Variants in NLRP9 observed in about 807,000 individuals in gnomAD.
The protein encoded by NLRP9 is NLR family pyrin domain containing 9.
A neutral mutation model predicts 83.1 loss-of-function variants in NLRP9; 88 were observed. The ratio of observed to expected loss-of-function variants is 1.06; its 90% CI spans 0.89 to 1.26. The LOEUF (loss-of-function observed/expected upper bound fraction) is 1.26, where lower values mean the gene tolerates loss of function less well. Among genes scored for constraint, NLRP9 ranks in the 50% most tolerant of loss-of-function variants. The pLI is 0.00. For synonymous variants in NLRP9, 521 were observed against 447.6 expected (o/e 1.16, Z -2.07); for missense variants, 1,308 against 1,179.3 (o/e 1.11, Z -1.60).
intron 6 of NLRP9, among the ~76,000 whole-genome samples, chr19:55,714,295 CCT>C (rs1987922676): frequency 6.6e-6 from 1 of 152,064 alleles, no homozygotes; most frequent in Admixed American, 6.6e-5. Context: ...CTCTAGCTAT[CCT>C]CTCATTACCT....
intron 5 of NLRP9, 126 bp from the exon 6 acceptor site, chr19:55,715,351 C>CAA: frequency 2.5e-6 from 2 of 800,602 alleles, no homozygotes; most frequent in Admixed American, 5.9e-5. Flanking sequence ...TTGTCCCAGG[C>CAA]AAAACCTTTC....
rs148657954 is a variant in NLRP9 at position 55,733,099 on chromosome 19, G to A, written c.732C>T (p.Ser244=). 42 of 1,613,954 alleles carry A rather than the reference G, an allele frequency of 2.6e-5. No individual in the cohort carries two copies. The East Asian group carries it at 7.1e-4, about 27-fold the overall frequency. ...KFNLQLKADL[S]DDWRQRQPMP... The stretch of plus-strand genomic sequence containing the variant: ...TTGGCTGCCGCTGCCTCCAATCATC[G>A]CTCAAGTCAGCCTTAAGTTGTAAGT... Residue 244 remains serine, a synonymous_variant, in exon 2 of 9, where the codon AGC becomes AGT. Transcript: ENST00000332836.
At chr19:55,710,221 T>G (rs978143917) in intron 8 of NLRP9, among the ~76,000 whole-genome samples, 2 of 152,064 alleles carry the variant, frequency 1.3e-5, no homozygotes, top group African/African-American at 4.8e-5. Context: ...GAGACATTAT[T>G]ATTATTATTT....
At chr19:55,735,951 G>C (rs1988774598) in intron 1 of NLRP9, among the ~76,000 whole-genome samples, 1 of 151,794 alleles carries the variant, frequency 6.6e-6, no homozygotes, top group Non-Finnish European at 1.5e-5. Flanking sequence ...GCCTCCCAAA[G>C]TGCTGGGATT....
At chr19:55,719,933 CTGATT>C (rs1395784963) in intron 4 of NLRP9, among the ~76,000 whole-genome samples, 1 of 152,092 alleles carries the variant, frequency 6.6e-6, no homozygotes, top group Non-Finnish European at 1.5e-5. Flanking sequence ...ACGAAATATA[CTGATT>C]TATTTAGAAA....
chr19:55,721,745 C>T (rs1988231620), intron 4 of NLRP9, among the ~76,000 whole-genome samples: 1 of 152,140 alleles, frequency 6.6e-6, no homozygotes, highest in African/African-American at 2.4e-5. Context: ...ATAATTAAAT[C>T]ACAGGGGCGG....
At chr19:55,716,615 CG>C in intron 5 of NLRP9, 112 bp downstream of exon 5, 1 of 849,086 alleles carries the variant, frequency 1.2e-6, no homozygotes, top group Non-Finnish European at 1.9e-6. Flanking sequence ...GGTCTAGCTA[CG>C]GATTCCGCAT....
At chr19:55,717,088 C>T (rs1988053127) in intron 4 of NLRP9, among the ~76,000 whole-genome samples, 190 bp from the exon 5 acceptor site, 1 of 145,522 alleles carries the variant, frequency 6.9e-6, no homozygotes, top group African/African-American at 2.6e-5. Context: ...GGCAGGAGTG[C>T]AGTGGTGCGA....
intron 3 of NLRP9, among the ~76,000 whole-genome samples, chr19:55,728,839 T>G (rs1380691630): frequency 1.3e-5 from 2 of 152,090 alleles, no homozygotes; most frequent in Non-Finnish European, 2.9e-5. Context: ...AGCAGTAAGT[T>G]TGCTTACAGG....
chr19:55,721,970 G>T (rs1988240301), intron 4 of NLRP9, among the ~76,000 whole-genome samples: 1 of 152,150 alleles, frequency 6.6e-6, no homozygotes. Context: ...TGTTGGGTAT[G>T]TCTATCAGCA....
rs1310479771 is a variant in NLRP9, at chr19:55,708,941, C to A, written c.2947G>T (p.Glu983Ter). 2 of 1,569,166 alleles carry A rather than the reference C, an allele frequency of 1.3e-6. No homozygotes were observed. The highest frequency in any genetic ancestry group is 3.9e-5 in the Admixed American group (2 of 50,672). ...TISHGPWIDE[E>*]YKIRGVLL ...AGGAGCACACCCCTGATCTTGTATT[C>A]CTCGTCAATCCAAGGTCCATGTGAA... Residue 983 changes from glutamate (E) to a stop codon, truncating the protein, a stop_gained, in exon 9 of 9, where the codon GAA (glutamate) becomes TAA (stop). Coordinates refer to ENST00000332836, the MANE Select transcript of NLRP9 (RefSeq NM_176820.4). LOFTEE classifies it low-confidence loss of function (END_TRUNC).
intron 3 of NLRP9, among the ~76,000 whole-genome samples, chr19:55,726,118 G>A (rs894072701): frequency 6.6e-6 from 1 of 152,064 alleles, no homozygotes; most frequent in Non-Finnish European, 1.5e-5. Flanking sequence ...AGGAATATCC[G>A]GCCTCCAAGC....
chr19:55,734,079 C>T (rs1600143305), intron 1 of NLRP9, among the ~76,000 whole-genome samples: 1 of 151,840 alleles, frequency 6.6e-6, no homozygotes, highest in East Asian at 1.9e-4. Context: ...CCCGCCACTA[C>T]GCATGGTTAA....
chr19:55,711,916 GAGTGCTGCGGCGATGT>G lies in NLRP9; in HGVS notation c.2711_2726del (p.Asp904AlafsTer7). Reference sequence around the variant, plus strand: ...GGCTCCTCAGTGTTTTGCAGGCGATGAGTGCTGCGGCGATGTCGTCGCAGCAGGCACGGGTGATCGG... The same window carrying G: ...GGCTCCTCAGTGTTTTGCAGGCGATGCGTCGCAGCAGGCACGGGTGATCGG... On this transcript the variant is annotated frameshift_variant, in exon 8 of 9. Transcript: ENST00000332836. LOFTEE classifies it high-confidence loss of function. 1 of 1,613,196 alleles carries G rather than the reference GAGTGCTGCGGCGATGT, an allele frequency of 6.2e-7. No individual in the cohort carries two copies. The highest frequency in any genetic ancestry group is 8.5e-7 in the Non-Finnish European group (1 of 1,179,950).
chr19:55,714,509 C>A (rs1245805027), intron 6 of NLRP9, among the ~76,000 whole-genome samples: 2 of 152,128 alleles, frequency 1.3e-5, no homozygotes, highest in Non-Finnish European at 2.9e-5. Context: ...ACTCCTGAGT[C>A]CCCTGCTGTG....
chr19:55,710,398 G>T (rs1364926807), intron 8 of NLRP9, among the ~76,000 whole-genome samples: 1 of 151,964 alleles, frequency 6.6e-6, no homozygotes, highest in Non-Finnish European at 1.5e-5. Flanking sequence ...GTTTTGCTGT[G>T]CCCCCTTCAC....
At position 55,724,003 on chromosome 19, in the gene NLRP9, T is replaced by A; in HGVS notation, c.2136A>T (p.Pro712=). The part of the protein sequence containing the change: ...IRHLCETLKH[P]MCKIEELILG... ...ACATCAGCTCTTCTATCTTGCACAT[T>A]GGATGTTTCAGCGTCTCACACAGGT... Residue 712 remains proline, a synonymous_variant, in exon 4 of 9, where the codon CCA becomes CCT. Coordinates refer to ENST00000332836, the MANE Select transcript of NLRP9 (RefSeq NM_176820.4). 6.2e-7 allele frequency: 1 copy of A among 1,613,956 alleles called. No individual in the cohort carries two copies. Among genetic ancestry groups the A allele is most frequent in the Non-Finnish European group, 8.5e-7 (1 of 1,179,934 alleles).
At chr19:55,734,890 C>A (rs1242696400) in intron 1 of NLRP9, among the ~76,000 whole-genome samples, 1 of 152,132 alleles carries the variant, frequency 6.6e-6, no homozygotes, top group African/African-American at 2.4e-5. Context: ...CCTCCTCGGC[C>A]TCCCAAAGTG....
At chr19:55,714,988 C>CT in intron 6 of NLRP9, 67 bp downstream of exon 6, 1 of 1,449,908 alleles carries the variant, frequency 6.9e-7, no homozygotes, top group Non-Finnish European at 9.4e-7. Context: ...TTTCCTATGT[C>CT]TTTCCTAGAG....
Sources: gnomAD v4.1 joint callset for allele counts (sites outside exome capture counted in the v4.1 genomes callset) on GRCh38, gnomAD v4.1.1 for gene constraint, MANE v1.5 for transcripts, NCBI Gene and HGNC (gene_info 2026-07-23, HGNC 2026-07-21) for gene names.